Variants in MAPK10 observed in about 807,000 individuals in gnomAD.
MAPK10 encodes the protein mitogen-activated protein kinase 10.
In MAPK10, 25 loss-of-function variants were observed where a neutral mutation model predicts 59.3. The ratio of observed to expected loss-of-function variants is 0.42; its 90% CI spans 0.31 to 0.59. The LOEUF (loss-of-function observed/expected upper bound fraction) is 0.59. Among genes scored for constraint, MAPK10 ranks in the 20% least tolerant of loss-of-function variants. MAPK10 has a pLI of 0.15. For missense variants in MAPK10, 351 were observed against 568.9 expected, an observed-to-expected ratio of 0.62 and a Z score of 3.90; for synonymous variants, 190 against 200.5, an observed-to-expected ratio of 0.95 and a Z score of 0.44.
At chr4:86,236,327 G>A (rs925969751) in intron 2 of MAPK10, among the ~76,000 whole-genome samples, 2 of 152,190 alleles carry the variant, frequency 1.3e-5, no homozygotes, top group South Asian at 2.1e-4. Flanking sequence ...AAATTGGGAG[G>A]AGGGTGAGGA....
At chr4:86,081,865 C>T (rs2050728480) in intron 9 of MAPK10, 1 of 133,518 alleles carries the variant, frequency 7.5e-6, no homozygotes, top group Admixed American at 7.3e-5. Flanking sequence ...TTTATAGTAC[C>T]ATGGTTTATA....
Position 86,017,221 on chromosome 4 carries a change from C to T in MAPK10, c.*7G>A, listed in dbSNP as rs1376033967. On this transcript the variant is annotated 3_prime_UTR_variant, in exon 14 of 14. Transcript: ENST00000641462. The surrounding 1 kb of genome is among the most constrained non-coding windows in gnomAD (Gnocchi z 4.4). ...AAGAACGCTGGGTTTCGCAGGCAGGCGGCTAGTCACCTGCAACAACCCAGG... is the reference window on the plus strand; with the variant it reads ...AAGAACGCTGGGTTTCGCAGGCAGGTGGCTAGTCACCTGCAACAACCCAGG... 2 of 1,613,024 alleles carry T rather than the reference C, an allele frequency of 1.2e-6. No homozygotes were observed. Among genetic ancestry groups the T allele is most frequent in the African/African-American group, 1.3e-5 (1 of 74,894 alleles).
At chr4:86,423,331 A>T (rs1746780103) in intron 1 of MAPK10, among the ~76,000 whole-genome samples, 1 of 152,220 alleles carries the variant, frequency 6.6e-6, no homozygotes, top group South Asian at 2.1e-4. Flanking sequence ...GCACATCAAT[A>T]CAAACATCAG....
chr4:86,180,944 T>C (rs2076803088), intron 3 of MAPK10, among the ~76,000 whole-genome samples: 1 of 152,022 alleles, frequency 6.6e-6, no homozygotes, highest in Non-Finnish European at 1.5e-5. Flanking sequence ...CACTGTAGGG[T>C]GACTATAGTT....
chr4:86,268,775 G>T (rs1728396745), intron 2 of MAPK10, among the ~76,000 whole-genome samples: 1 of 152,018 alleles, frequency 6.6e-6, no homozygotes, highest in South Asian at 2.1e-4. Flanking sequence ...AAAATTACTG[G>T]CCCAGTCTTG....
chr4:86,257,168 T>C (rs114212632), intron 2 of MAPK10, among the ~76,000 whole-genome samples: 7,047 of 152,256 alleles, frequency 0.046, 215 homozygotes, highest in African/African-American at 0.072. Flanking sequence ...TCTCCAACCA[T>C]AAATGACCAA....
intron 3 of MAPK10, chr4:86,192,989 C>G (rs796480393): frequency 6.6e-6 from 1 of 152,134 alleles, no homozygotes; most frequent in Non-Finnish European, 1.5e-5. Context: ...GATGTTGATG[C>G]TATTCCTTTC....
intron 2 of MAPK10, among the ~76,000 whole-genome samples, chr4:86,263,183 C>T (rs2148748231): frequency 6.6e-6 from 1 of 152,282 alleles, no homozygotes; most frequent in Admixed American, 6.5e-5. Flanking sequence ...CAGGAGATCA[C>T]ATTGTCCCTT....
intron 2 of MAPK10, among the ~76,000 whole-genome samples, chr4:86,205,125 A>G (rs2083511521): frequency 6.6e-6 from 1 of 151,990 alleles, no homozygotes; most frequent in Non-Finnish European, 1.5e-5. Flanking sequence ...GTTGAAAGAG[A>G]TTTTTAAGTG....
chr4:86,205,700 A>G lies in MAPK10; in HGVS notation c.-6-11293T>C, dbSNP rs181829595. Among the ~76,000 whole-genome samples the G allele has an allele frequency of 6.5e-3, 983 of 152,168 alleles. 4 individuals carry two copies. The highest frequency in any genetic ancestry group is 0.014 in the Middle Eastern group (4 of 294). ...TATAATTCAATATATTTAACACATT[A>G]AAAAAGAAAAATTCTTGTCATATTC... On this transcript the variant is annotated intron_variant, in intron 2 of 13. Transcript: ENST00000641462.
chr4:86,372,571 A>AGAAAGAAAGAAAG (rs1554253762), intron 1 of MAPK10, among the ~76,000 whole-genome samples: 1 of 148,476 alleles, frequency 6.7e-6, no homozygotes, highest in African/African-American at 2.5e-5. Flanking sequence ...AAAGAAAGAA[A>AGAAAGAAAGAAAG]AGAAAAGAAA....
chr4:86,575,342 G>C (rs1191108762), intron 1 of MAPK10, among the ~76,000 whole-genome samples: 1 of 152,088 alleles, frequency 6.6e-6, no homozygotes, highest in Admixed American at 6.5e-5. Context: ...ATGGATATTT[G>C]ATATCATAAT....
chr4:86,057,073 C>T (rs1041800803), intron 11 of MAPK10, among the ~76,000 whole-genome samples: 9 of 148,916 alleles, frequency 6.0e-5, no homozygotes, highest in Non-Finnish European at 1.3e-4. Flanking sequence ...AAGCGATTCT[C>T]CTGCCTCAGC....
intron 2 of MAPK10, among the ~76,000 whole-genome samples, chr4:86,212,129 C>G (rs1166409225): frequency 1.3e-5 from 2 of 151,716 alleles, no homozygotes; most frequent in Non-Finnish European, 2.9e-5. Flanking sequence ...TTAAATTCTT[C>G]TATCAAAAGA....
chr4:86,456,213 G>A (rs1751212276), upstream of MAPK10, among the ~76,000 whole-genome samples: 3 of 152,014 alleles, frequency 2.0e-5, no homozygotes, highest in South Asian at 6.2e-4. Context: ...GTCTGAAAAA[G>A]CACAAACAGA....
At chr4:86,283,268 T>C (rs1439451020) in intron 2 of MAPK10, among the ~76,000 whole-genome samples, 1 of 152,174 alleles carries the variant, frequency 6.6e-6, no homozygotes, top group Non-Finnish European at 1.5e-5. Flanking sequence ...ATGAGAAGAC[T>C]GAATAAAACA....
At chr4:86,359,606 C>A in intron 1 of MAPK10, 52 bp downstream of exon 1, 2 of 881,764 alleles carry the variant, frequency 2.3e-6, no homozygotes, top group Non-Finnish European at 2.7e-6. Context: ...ATAGACATCA[C>A]CCCACCCTCC....
intron 4 of MAPK10, chr4:86,124,236 T>C (rs974264457): frequency 6.6e-6 from 1 of 151,904 alleles, no homozygotes; most frequent in East Asian, 1.9e-4. Context: ...ATAATTCACA[T>C]TGGGTCCAAA....
At chr4:86,528,251 A>AT (rs1757619048) in intron 1 of MAPK10, among the ~76,000 whole-genome samples, 1 of 152,108 alleles carries the variant, frequency 6.6e-6, no homozygotes. Flanking sequence ...TAACCCATAT[A>AT]TTTCTTGCAT....
Sources: gnomAD v4.1 joint callset for allele counts (sites outside exome capture counted in the v4.1 genomes callset) on GRCh38, gnomAD v4.1.1 for gene constraint, Gnocchi (gnomAD v3.1) non-coding constraint, MANE v1.5 for transcripts, NCBI Gene and HGNC (gene_info 2026-07-23, HGNC 2026-07-21) for gene names.